FANCA: variants seen among roughly 807,000 people sequenced by gnomAD.
The protein encoded by FANCA is Fanconi anemia group A protein.
FANCA carries 236 observed loss-of-function variants against 194.3 expected under a neutral mutation model. The observed-to-expected ratio is 1.21, with a 90% confidence interval of 1.09 to 1.35. The LOEUF (loss-of-function observed/expected upper bound fraction) is 1.35. Ranked by LOEUF, FANCA falls within the 40% of genes most tolerant of loss-of-function variation. The pLI is 0.00. For missense variants in FANCA, 2,628 were observed against 1,813.9 expected, an observed-to-expected ratio of 1.45 and a Z score of -8.15; for synonymous variants, 1,014 against 715.8, an observed-to-expected ratio of 1.42 and a Z score of -6.65.
chr16:89,787,881 A>AAT (rs2039949259), intron 14 of FANCA, among the ~76,000 whole-genome samples: 2 of 149,590 alleles, frequency 1.3e-5, no homozygotes, highest in African/African-American at 4.9e-5. Flanking sequence ...AAAAAAAAAA[A>AAT]TTTTTTTTTT....
At chr16:89,747,119 CAA>C (rs2143112029) in intron 33 of FANCA, among the ~76,000 whole-genome samples, 1 of 152,298 alleles carries the variant, frequency 6.6e-6, no homozygotes, top group Non-Finnish European at 1.5e-5. Flanking sequence ...AGCTCTGGCC[CAA>C]ACAGTCTTGT....
intron 30 of FANCA, among the ~76,000 whole-genome samples, chr16:89,752,547 G>C (rs1323111029): frequency 6.6e-6 from 1 of 152,214 alleles, no homozygotes; most frequent in Non-Finnish European, 1.5e-5. Context: ...AGTTATACCA[G>C]ATATAGATCT....
intron 6 of FANCA, among the ~76,000 whole-genome samples, chr16:89,806,347 CTTTT>C (rs34862478): frequency 1.4e-4 from 16 of 110,416 alleles, no homozygotes; most frequent in East Asian, 1.2e-3. Context: ...CTATATCATT[CTTTT>C]TTTTTTTTTT....
At chr16:89,791,313 G>A (rs912807346) in intron 14 of FANCA, 90 bp downstream of exon 14, 12 of 1,536,092 alleles carry the variant, frequency 7.8e-6, no homozygotes, top group Non-Finnish European at 9.7e-6. Flanking sequence ...TCACTCACAT[G>A]ACAGAGAATC....
At chr16:89,744,819 C>A (rs1226685512) in intron 36 of FANCA, 140 bp downstream of exon 36, 3 of 797,068 alleles carry the variant, frequency 3.8e-6, no homozygotes, top group Middle Eastern at 2.7e-4. Flanking sequence ...ACCACGAGAA[C>A]TCGGTTCTTT....
chr16:89,807,184 CTTTTTTT>C (rs1011419652), intron 6 of FANCA, among the ~76,000 whole-genome samples: 5 of 134,384 alleles, frequency 3.7e-5, no homozygotes, highest in South Asian at 2.4e-4. Context: ...GCAGGTTTTT[CTTTTTTT>C]TTTTTTTTTT....
chr16:89,752,006 G>A (rs1416208662), intron 31 of FANCA, 132 bp downstream of exon 31: 2 of 794,174 alleles, frequency 2.5e-6, no homozygotes, highest in South Asian at 1.3e-5. Context: ...TCCTGACTGT[G>A]TGATCCGCCT....
Position 89,775,785 on chromosome 16 carries a change from G to T in FANCA, c.1857C>A (p.Ser619=), listed in dbSNP as rs754522096. ...CAGCAGAGCAGGCCTGGCAGTAGGT[G>T]GAGTACAGAGATGGGGGGATTTTAT... ...RADKIPPSLY[S]TYCQACSAAE... The change falls in exon 21 of 43, where the codon TCC becomes TCA. Residue 619 remains serine (S), a synonymous_variant. Transcript: ENST00000389301. The T allele has an allele frequency of 2.5e-6, 4 of 1,612,712 alleles. No homozygotes were observed. The highest frequency in any genetic ancestry group is 1.7e-6 in the Non-Finnish European group (2 of 1,179,358).
chr16:89,805,015 G>A (rs574713149), intron 7 of FANCA, among the ~76,000 whole-genome samples: 5 of 152,298 alleles, frequency 3.3e-5, no homozygotes, highest in South Asian at 2.1e-4. Flanking sequence ...CAGCCTGGGC[G>A]ACAGAAGGAA....
At chr16:89,811,280 C>T (rs1301007835) in intron 3 of FANCA, among the ~76,000 whole-genome samples, 1 of 152,192 alleles carries the variant, frequency 6.6e-6, no homozygotes, top group Non-Finnish European at 1.5e-5. Context: ...GTGGCAACAC[C>T]TGAACCCAGA....
chr16:89,739,151 G>T lies in FANCA; in HGVS notation c.4149C>A (p.Ser1383Arg). Reference sequence around the variant, plus strand: ...CACCTGCCTGACCCTTGAGCTCCAGGCTCCTGCCAGCTGGAGGTGAAACTG... The same window carrying T: ...CACCTGCCTGACCCTTGAGCTCCAGTCTCCTGCCAGCTGGAGGTGAAACTG... ...TSTVSPPAGRSLELKGQGNPV... is the reference protein window; with the variant it reads ...TSTVSPPAGRRLELKGQGNPV... Residue 1383 changes from serine to arginine, a missense_variant, in exon 41 of 43, where the codon AGC becomes AGA. Coordinates refer to ENST00000389301, the MANE Select transcript of FANCA (RefSeq NM_000135.4). The T allele has an allele frequency of 1.2e-6, 2 of 1,614,134 alleles. No homozygotes were observed. The highest frequency in any genetic ancestry group is 1.7e-6 in the Non-Finnish European group (2 of 1,180,030).
intron 30 of FANCA, among the ~76,000 whole-genome samples, chr16:89,756,342 C>T (rs989149646): frequency 1.3e-5 from 2 of 152,198 alleles, no homozygotes; most frequent in African/African-American, 4.8e-5. Flanking sequence ...TGGCTACCAT[C>T]AAGTCAGGCC....
intron 6 of FANCA, among the ~76,000 whole-genome samples, chr16:89,806,412 G>A (rs2040648711): frequency 6.7e-6 from 1 of 149,206 alleles, no homozygotes. Flanking sequence ...GATTTGGCAG[G>A]GTCATAGGAC....
intron 27 of FANCA, among the ~76,000 whole-genome samples, chr16:89,766,866 C>T (rs952175723): frequency 6.6e-6 from 1 of 152,204 alleles, no homozygotes; most frequent in Non-Finnish European, 1.5e-5. Flanking sequence ...TATTTCATTA[C>T]AATTACAGAC....
chr16:89,760,210 C>T (rs1403106604), intron 29 of FANCA, among the ~76,000 whole-genome samples: 2 of 152,268 alleles, frequency 1.3e-5, no homozygotes, highest in African/African-American at 4.8e-5. Flanking sequence ...GACTCCACCC[C>T]AGAGAGCAGC....
intron 21 of FANCA, 131 bp from the exon 22 acceptor site, chr16:89,773,515 T>C (rs1383723745): frequency 1.4e-5 from 10 of 714,836 alleles, no homozygotes; most frequent in Non-Finnish European, 2.2e-5. Context: ...ACGGAGGGAC[T>C]GGGAGTCTCT....
At chr16:89,782,066 T>G (rs1158830735) in intron 17 of FANCA, among the ~76,000 whole-genome samples, 6 of 151,326 alleles carry the variant, frequency 4.0e-5, no homozygotes, top group Non-Finnish European at 8.8e-5. Context: ...CATCTGACAT[T>G]TGGCTGCTAT....
At chr16:89,740,156 G>T in intron 38 of FANCA, 57 bp from the exon 39 acceptor site, 1 of 1,347,900 alleles carries the variant, frequency 7.4e-7, no homozygotes, top group Non-Finnish European at 1.1e-6. Flanking sequence ...CCCATGGGTA[G>T]GAGGGTACAG....
chr16:89,816,190 C>G (rs1156777049), intron 1 of FANCA: 2 of 606,520 alleles, frequency 3.3e-6, no homozygotes, highest in Admixed American at 4.7e-5. Flanking sequence ...CCAGGAGGGC[C>G]CGAGGCAGGG....
Sources: allele counts gnomAD v4.1 joint callset (sites outside exome capture counted in the v4.1 genomes callset), GRCh38; gene constraint gnomAD v4.1.1; transcripts MANE v1.5; gene names NCBI Gene and HGNC (gene_info 2026-07-23, HGNC 2026-07-21).